The following WDR70 variants were observed in gnomAD, a reference collection of about 807,000 sequenced individuals.
The protein encoded by WDR70 is WD repeat-containing protein 70.
In WDR70, 53 loss-of-function variants were observed where a neutral mutation model predicts 88.6. The ratio of observed to expected loss-of-function variants is 0.60; its 90% CI spans 0.48 to 0.75. The LOEUF (loss-of-function observed/expected upper bound fraction) is 0.75. Among genes scored for constraint, WDR70 ranks in the 30% least tolerant of loss-of-function variants. The probability of loss-of-function intolerance (pLI) is 0.00; values close to 1 mark genes in which losing one functional copy is unlikely to be tolerated. For missense variants in WDR70, 610 were observed against 823.2 expected, an observed-to-expected ratio of 0.74 and a Z score of 3.17; for synonymous variants, 280 against 270.0, an observed-to-expected ratio of 1.04 and a Z score of -0.36.
At chr5:37,600,260 G>C (rs936281050) in intron 9 of WDR70, among the ~76,000 whole-genome samples, 2 of 152,142 alleles carry the variant, frequency 1.3e-5, no homozygotes, top group African/African-American at 4.8e-5. Context: ...GGGTGCAGTG[G>C]CTCACTCCTG....
intron 17 of WDR70, among the ~76,000 whole-genome samples, chr5:37,745,279 C>T (rs1436619093): frequency 6.6e-6 from 1 of 151,494 alleles, no homozygotes; most frequent in Admixed American, 6.6e-5. Context: ...GAAAGAAGCA[C>T]TAAATATGGA....
chr5:37,385,349 C>T (rs1748574488), intron 3 of WDR70, among the ~76,000 whole-genome samples: 1 of 151,540 alleles, frequency 6.6e-6, no homozygotes, highest in South Asian at 2.1e-4. Context: ...AGTGAGATCC[C>T]ATTCAAAAAA....
chr5:37,741,127 A>G (rs1437378166), intron 17 of WDR70, among the ~76,000 whole-genome samples: 1 of 151,960 alleles, frequency 6.6e-6, no homozygotes, highest in Non-Finnish European at 1.5e-5. Flanking sequence ...GAGAAGCAGT[A>G]CCCTAGGCAC....
rs1191181504 is a variant in WDR70, at chr5:37,626,061, A to T, written c.1092+20823A>T. On this transcript the variant is annotated intron_variant, in intron 10 of 17. Transcript: ENST00000265107. ...GTTTTTCCATATATAAGATCATGTC[A>T]TCTGCAAACAGGGACATTTTGACTT... Among the ~76,000 whole-genome samples, 3 of 148,838 alleles carry T rather than the reference A, an allele frequency of 2.0e-5. No individual in the cohort carries two copies. The East Asian group carries it at 5.9e-4, about 29-fold the overall frequency.
intron 5 of WDR70, among the ~76,000 whole-genome samples, chr5:37,410,233 C>G (rs559758009): frequency 7.7e-6 from 1 of 130,592 alleles, no homozygotes; most frequent in Admixed American, 8.3e-5. Flanking sequence ...GAGACAAGGT[C>G]TTCCCATGTT....
At position 37,447,233 on chromosome 5, in the gene WDR70, A is replaced by G. The variant is rs530537752; in HGVS notation, c.686+3861A>G. On this transcript the variant is annotated intron_variant, in intron 7 of 17. Coordinates refer to ENST00000265107, the MANE Select transcript of WDR70 (RefSeq NM_018034.4). ...TAGAGAAATGCAAATCAAAACCACA[A>G]TGAGATACCATCTCACACCAGTTAG... Among the ~76,000 whole-genome samples the G allele has an allele frequency of 2.0e-5, 3 of 152,354 alleles. No individual in the cohort carries two copies. In the East Asian group the frequency reaches 5.8e-4, roughly 29 times the overall value.
intron 10 of WDR70, among the ~76,000 whole-genome samples, chr5:37,664,862 A>C (rs1424461023): frequency 2.6e-5 from 4 of 152,232 alleles, no homozygotes; most frequent in African/African-American, 9.6e-5. Context: ...TATACTTTTA[A>C]ATTTAGATAA....
intron 10 of WDR70, among the ~76,000 whole-genome samples, chr5:37,656,310 T>C (rs1745552928): frequency 6.6e-6 from 1 of 152,218 alleles, no homozygotes; most frequent in Non-Finnish European, 1.5e-5. Context: ...TTCCTTCCTC[T>C]GGAAGCTTCG....
At chr5:37,682,421 CCTT>C (rs1040588111) in intron 10 of WDR70, among the ~76,000 whole-genome samples, 2 of 152,120 alleles carry the variant, frequency 1.3e-5, no homozygotes, top group East Asian at 1.9e-4. Context: ...GCCTCAATCT[CCTT>C]CTTTTCAGCA....
chr5:37,396,352 A>AGTTTCT (rs1376148687), intron 4 of WDR70, 23 bp from the exon 5 acceptor site: 18 of 1,582,286 alleles, frequency 1.1e-5, no homozygotes, highest in Non-Finnish European at 1.4e-5. Flanking sequence ...AGAGGCAAAG[A>AGTTTCT]GTTTCTGTTT....
intron 9 of WDR70, among the ~76,000 whole-genome samples, chr5:37,584,480 AATC>A (rs1453207211): frequency 2.0e-5 from 3 of 152,126 alleles, no homozygotes; most frequent in South Asian, 4.1e-4. Context: ...AGTCAGGAAA[AATC>A]ATCAATTCCC....
chr5:37,501,955 A>G (rs1740416436), intron 8 of WDR70, among the ~76,000 whole-genome samples: 1 of 151,792 alleles, frequency 6.6e-6, no homozygotes, highest in Non-Finnish European at 1.5e-5. Flanking sequence ...GAATTTTAGG[A>G]TTGATTCTGT....
At chr5:37,483,101 G>GCTTT (rs1270855677) in intron 8 of WDR70, among the ~76,000 whole-genome samples, 13 of 129,884 alleles carry the variant, frequency 1.0e-4, no homozygotes, top group South Asian at 2.5e-4. Context: ...AGTGGTCTCA[G>GCTTT]TTTTTTTTTT....
At chr5:37,740,346 A>G (rs1748437092) in intron 17 of WDR70, among the ~76,000 whole-genome samples, 1 of 152,232 alleles carries the variant, frequency 6.6e-6, no homozygotes, top group Admixed American at 6.5e-5. Flanking sequence ...AAATAAATTC[A>G]AAGATAAAAA....
intron 16 of WDR70, 108 bp from the exon 17 acceptor site, chr5:37,726,775 T>C: frequency 8.6e-7 from 1 of 1,158,054 alleles, no homozygotes; most frequent in Non-Finnish European, 1.1e-6. Context: ...AGGATGAAAT[T>C]TAAGTACTCT....
At chr5:37,506,809 C>T (rs13155335) in intron 8 of WDR70, 380,633 of 1,350,290 alleles carry the variant, frequency 0.28, 56,489 homozygotes, top group East Asian at 0.45. Context: ...ACAGCAACCA[C>T]CTTTCCGTTC....
intron 9 of WDR70, among the ~76,000 whole-genome samples, chr5:37,524,678 C>T (rs572429606): frequency 6.6e-6 from 1 of 152,300 alleles, no homozygotes; most frequent in East Asian, 1.9e-4. Flanking sequence ...TTAAAAGACA[C>T]AGACTGGCAA....
At chr5:37,641,150 C>T (rs1745092044) in intron 10 of WDR70, among the ~76,000 whole-genome samples, 1 of 152,242 alleles carries the variant, frequency 6.6e-6, no homozygotes, top group Non-Finnish European at 1.5e-5. Context: ...CACTCTGTCA[C>T]CCAGGCTGGA....
chr5:37,410,192 A>AT (rs1749480262), intron 5 of WDR70, among the ~76,000 whole-genome samples: 1 of 122,840 alleles, frequency 8.1e-6, no homozygotes, highest in Non-Finnish European at 1.6e-5. Context: ...GGAGTTTGTT[A>AT]GTTTTTTTTT....
Sources: gnomAD v4.1 joint callset for allele counts (sites outside exome capture counted in the v4.1 genomes callset) on GRCh38, gnomAD v4.1.1 for gene constraint, MANE v1.5 for transcripts, NCBI Gene and HGNC (gene_info 2026-07-23, HGNC 2026-07-21) for gene names.